The following PAX7 variants were observed in gnomAD, a reference collection of about 807,000 sequenced individuals.
PAX7 encodes the protein paired box protein Pax-7.
A neutral mutation model predicts 50.7 loss-of-function variants in PAX7; 18 were observed. That is an observed-to-expected ratio of 0.36 (90% CI 0.25 to 0.53). The LOEUF is 0.53. PAX7 is among the 20% of genes least tolerant of loss of function. The pLI is 0.93. For missense variants in PAX7, 644 were observed against 702.9 expected, an observed-to-expected ratio of 0.92 and a Z score of 0.95; for synonymous variants, 310 against 290.4, an observed-to-expected ratio of 1.07 and a Z score of -0.69.
At chr1:18,674,307 T>C (rs1330474531) in intron 4 of PAX7, among the ~76,000 whole-genome samples, 1 of 152,198 alleles carries the variant, frequency 6.6e-6, no homozygotes, top group Non-Finnish European at 1.5e-5. Flanking sequence ...GTGTCCGGTG[T>C]GGTTCCTGAC....
At chr1:18,713,764 A>G (rs1019495977) in intron 7 of PAX7, among the ~76,000 whole-genome samples, 1 of 152,182 alleles carries the variant, frequency 6.6e-6, no homozygotes, top group Non-Finnish European at 1.5e-5. Context: ...GAGGAGTTCC[A>G]GAGGGAAGAC....
chr1:18,643,527 C>T (rs1345405828), intron 4 of PAX7, among the ~76,000 whole-genome samples: 2 of 152,200 alleles, frequency 1.3e-5, no homozygotes, highest in African/African-American at 4.8e-5. Flanking sequence ...GGAAGAAAGA[C>T]AAAGAGATGC....
chr1:18,725,993 TGC>T (rs61357866), intron 7 of PAX7, among the ~76,000 whole-genome samples: 27,027 of 148,540 alleles, frequency 0.18, 2,608 homozygotes, highest in African/African-American at 0.25. Context: ...TGTGTGTGTG[TGC>T]GCGCGCGCGC....
chr1:18,725,311 C>T lies in PAX7; in HGVS notation c.1156-10321C>T, dbSNP rs923844874. On this transcript the variant is annotated intron_variant, in intron 7 of 8. Coordinates refer to ENST00000420770, the MANE Select transcript of PAX7 (RefSeq NM_001135254.2). The stretch of plus-strand genomic sequence containing the variant: ...TTACAGAGGTGGAGACGCCCCCCCC[C>T]CGCCCCACCAACACCGCCAGGCCAG... Among the ~76,000 whole-genome samples, 9 of 72,698 alleles carry T rather than the reference C, an allele frequency of 1.2e-4. 1 individual carries two copies. Among genetic ancestry groups the T allele is most frequent in the Non-Finnish European group, 1.4e-4 (4 of 28,570 alleles). 47.7% of individuals were successfully genotyped at this position (72,698 alleles called of 152,430 possible). A position where few individuals can be genotyped will look rare whatever the true frequency, so the allele number is the denominator to read the frequency against.
intron 5 of PAX7, among the ~76,000 whole-genome samples, chr1:18,692,320 T>C (rs773721793): frequency 1.3e-5 from 2 of 151,670 alleles, no homozygotes; most frequent in Non-Finnish European, 2.9e-5. Context: ...GGTGGGCGGA[T>C]CACATGAGGT....
intron 6 of PAX7, 90 bp from the exon 7 acceptor site, chr1:18,703,004 G>A: frequency 8.6e-7 from 1 of 1,163,010 alleles, no homozygotes; most frequent in Admixed American, 2.0e-5. Flanking sequence ...AGACCGGGAG[G>A]AGGAGTCTCT....
chr1:18,714,333 A>G (rs11809138), intron 7 of PAX7, among the ~76,000 whole-genome samples: 2,439 of 152,334 alleles, frequency 0.016, 72 homozygotes, highest in African/African-American at 0.054. Flanking sequence ...CATCTGTGAA[A>G]TGGGGCCTCT....
chr1:18,722,768 G>T (rs1290438988), intron 7 of PAX7, among the ~76,000 whole-genome samples: 1 of 152,114 alleles, frequency 6.6e-6, no homozygotes, highest in African/African-American at 2.4e-5. Context: ...AGAGCTCCTG[G>T]GTCCATCTCG....
chr1:18,725,317 C>CCCCA (rs148441208), intron 7 of PAX7, among the ~76,000 whole-genome samples: 4 of 138,478 alleles, frequency 2.9e-5, no homozygotes, highest in African/African-American at 1.1e-4. Flanking sequence ...CCCCCCGCCC[C>CCCCA]ACCAACACCG....
At chr1:18,695,323 C>T (rs1412039205) in intron 5 of PAX7, among the ~76,000 whole-genome samples, 2 of 152,222 alleles carry the variant, frequency 1.3e-5, no homozygotes, top group African/African-American at 4.8e-5. Context: ...GCCACCTTTG[C>T]AGCTCCAGGT....
intron 4 of PAX7, among the ~76,000 whole-genome samples, chr1:18,639,249 T>C (rs2100429254): frequency 1.3e-5 from 2 of 152,304 alleles, no homozygotes; most frequent in Middle Eastern, 6.8e-3. Flanking sequence ...TTATCCGCAA[T>C]CAGTTCTCAC....
rs183430706 is a variant in PAX7, at chr1:18,739,311, C to T, written c.1402+3433C>T. On this transcript the variant is annotated intron_variant, in intron 8 of 8. Coordinates refer to ENST00000420770, the MANE Select transcript of PAX7 (RefSeq NM_001135254.2). The stretch of plus-strand genomic sequence containing the variant: ...CGATACACACCTGAGCCCACCCATG[C>T]GTGGATTCATGTCCACAGCTTCACA... 4.2e-4 allele frequency among the ~76,000 whole-genome samples: 64 copies of T among 152,330 alleles called. No individual in the cohort carries two copies. The East Asian group carries it at 0.011, about 25-fold the overall frequency.
At position 18,635,143 on chromosome 1, in the gene PAX7, TGAG is replaced by T. The variant is rs760663197; in HGVS notation, c.358_360del (p.Glu120del). 1 of 1,613,704 alleles carries T rather than the reference TGAG, an allele frequency of 6.2e-7. No homozygotes were observed. ...CGACTCCGGATGTAGAGAAAAAGAT[TGAG>T]GAGTACAAGAGGGAAAACCCAGGCA... is the stretch of plus-strand genomic sequence containing the variant. On this transcript the variant is annotated inframe_deletion, in exon 3 of 9. Coordinates refer to ENST00000420770, the MANE Select transcript of PAX7 (RefSeq NM_001135254.2).
intron 4 of PAX7, among the ~76,000 whole-genome samples, chr1:18,642,179 G>A (rs2088266356): frequency 6.6e-6 from 1 of 150,538 alleles, no homozygotes; most frequent in African/African-American, 2.4e-5. Context: ...AGGAAAAGAG[G>A]GCTGAGCAAA....
At chr1:18,688,789 C>G (rs1328182750) in intron 4 of PAX7, among the ~76,000 whole-genome samples, 2 of 152,184 alleles carry the variant, frequency 1.3e-5, no homozygotes, top group African/African-American at 4.8e-5. Flanking sequence ...TGGTGTGTGC[C>G]TGTAGTCCCA....
intron 4 of PAX7, among the ~76,000 whole-genome samples, chr1:18,661,260 G>A (rs1353426976): frequency 6.6e-6 from 1 of 152,150 alleles, no homozygotes. Context: ...GGAGTAGGGG[G>A]CATAGGGGCT....
chr1:18,725,398 G>A (rs991407029), intron 7 of PAX7, among the ~76,000 whole-genome samples: 25 of 151,870 alleles, frequency 1.6e-4, no homozygotes, highest in African/African-American at 6.0e-4. Flanking sequence ...GAGTCAAGGA[G>A]GCCCTCCTCC....
intron 4 of PAX7, among the ~76,000 whole-genome samples, chr1:18,652,844 G>A (rs2088455151): frequency 6.6e-6 from 1 of 152,180 alleles, no homozygotes; most frequent in African/African-American, 2.4e-5. Flanking sequence ...CTCTTGCTAT[G>A]TGCCAGAAAC....
intron 4 of PAX7, among the ~76,000 whole-genome samples, chr1:18,643,515 C>T (rs1438024039): frequency 6.6e-6 from 1 of 152,210 alleles, no homozygotes; most frequent in Non-Finnish European, 1.5e-5. Context: ...CGCCGAGCAG[C>T]AGGAAGAAAG....
Sources: gnomAD v4.1 joint callset for allele counts (sites outside exome capture counted in the v4.1 genomes callset) on GRCh38, gnomAD v4.1.1 for gene constraint, MANE v1.5 for transcripts, NCBI Gene and HGNC (gene_info 2026-07-23, HGNC 2026-07-21) for gene names.